DNAJC27: variants seen among roughly 807,000 people sequenced by gnomAD.
DNAJC27 encodes dnaJ homolog subfamily C member 27.
In DNAJC27, 25 loss-of-function variants were observed where a neutral mutation model predicts 31.4. That is an observed-to-expected ratio of 0.80 (90% CI 0.58 to 1.11). The LOEUF (loss-of-function observed/expected upper bound fraction) is 1.11. Ranked by LOEUF, DNAJC27 falls within the 50% of genes most tolerant of loss-of-function variation. The probability of loss-of-function intolerance (pLI) is 0.00; values close to 1 mark genes in which losing one functional copy is unlikely to be tolerated. For missense variants in DNAJC27, 356 were observed against 347.3 expected (o/e 1.02, Z -0.20); for synonymous variants, 106 against 112.7 (o/e 0.94, Z 0.37).
chr2:24,946,167 T>A lies in DNAJC27; in HGVS notation c.*1449A>T, dbSNP rs1665647662. 1 of 152,182 alleles carries A rather than the reference T, an allele frequency of 6.6e-6. No individual in the cohort carries two copies. The highest frequency in any genetic ancestry group is 2.4e-5 in the African/African-American group (1 of 41,438). 9.4% of individuals were successfully genotyped at this position (152,182 alleles called of 1,614,324 possible). On this transcript the variant is annotated 3_prime_UTR_variant, in exon 7 of 7. Coordinates refer to ENST00000264711, the MANE Select transcript of DNAJC27 (RefSeq NM_016544.3). The stretch of plus-strand genomic sequence containing the variant: ...ACATGAACTTCATCCATCCCTTGTA[T>A]ATCAAGGAGGAGACTGTGGTCAGAG...
intron 1 of DNAJC27, among the ~76,000 whole-genome samples, chr2:24,970,526 G>T (rs1371314125): frequency 6.8e-6 from 1 of 147,276 alleles, no homozygotes; most frequent in African/African-American, 2.5e-5. Context: ...GTGCAATGGC[G>T]TGATCTCGGC....
At chr2:24,970,947 T>G (rs1257408395) in intron 1 of DNAJC27, among the ~76,000 whole-genome samples, 2 of 152,152 alleles carry the variant, frequency 1.3e-5, no homozygotes, top group African/African-American at 4.8e-5. Context: ...CCTTAACAGC[T>G]CTTTCGGAGT....
At chr2:24,954,442 G>A (rs1197999920) in intron 5 of DNAJC27, among the ~76,000 whole-genome samples, 2 of 152,102 alleles carry the variant, frequency 1.3e-5, no homozygotes, top group Non-Finnish European at 2.9e-5. Flanking sequence ...CTAAAACCAA[G>A]AGCTGACAAG....
intron 1 of DNAJC27, chr2:24,969,396 A>G: frequency 5.6e-6 from 1 of 179,530 alleles, no homozygotes; most frequent in Non-Finnish European, 1.2e-5. Flanking sequence ...GCTCTCATAG[A>G]CATCCAAGGA....
chr2:24,956,395 A>G (rs1445103680), intron 5 of DNAJC27, among the ~76,000 whole-genome samples: 1 of 152,158 alleles, frequency 6.6e-6, no homozygotes, highest in African/African-American at 2.4e-5. Flanking sequence ...GGTTTTTTTA[A>G]AGTGGCCATC....
chr2:24,949,186 A>G (rs2149120231), intron 6 of DNAJC27, among the ~76,000 whole-genome samples: 1 of 152,308 alleles, frequency 6.6e-6, no homozygotes, highest in South Asian at 2.1e-4. Flanking sequence ...GTTTTTCTAC[A>G]TGTGTAATTC....
At chr2:24,951,085 T>C (rs1260203161) in intron 6 of DNAJC27, among the ~76,000 whole-genome samples, 1 of 152,236 alleles carries the variant, frequency 6.6e-6, no homozygotes, top group African/African-American at 2.4e-5. Context: ...TCTAACATTC[T>C]ATGATTGAAG....
intron 2 of DNAJC27, among the ~76,000 whole-genome samples, chr2:24,966,116 T>C (rs1247690848): frequency 6.6e-6 from 1 of 152,210 alleles, no homozygotes; most frequent in East Asian, 1.9e-4. Context: ...AGGGCATGTT[T>C]AGAAGACCTT....
intron 5 of DNAJC27, among the ~76,000 whole-genome samples, 191 bp from the exon 6 acceptor site, chr2:24,951,745 C>G (rs539788853): frequency 6.6e-6 from 1 of 151,828 alleles, no homozygotes; most frequent in Non-Finnish European, 1.5e-5. Flanking sequence ...TTTTAATACA[C>G]AAAAAGTATA....
Position 24,957,953 on chromosome 2 carries a change from C to T in DNAJC27, c.262G>A (p.Asp88Asn). The change falls in exon 4 of 7, where the codon GAC becomes AAC. Residue 88 changes from aspartate to asparagine, a missense_variant. Asp to Asn is a conservative substitution (Grantham distance 23, BLOSUM62 1). Coordinates refer to ENST00000264711, the MANE Select transcript of DNAJC27 (RefSeq NM_016544.3). ...FYEVRNEFYKDTQGVILVYDV... is the reference protein window; with the variant it reads ...FYEVRNEFYKNTQGVILVYDV... ...TAGACCAGTATCACACCCTGTGTGT[C>T]CTTGTAAAACTCATTTCGAACCTTC... 6.2e-7 allele frequency: 1 copy of T among 1,611,402 alleles called. No individual in the cohort carries two copies. Among genetic ancestry groups the T allele is most frequent in the Non-Finnish European group, 8.5e-7 (1 of 1,179,078 alleles).
rs1313433702 is a variant in DNAJC27, at chr2:24,957,971, G to A, written c.244C>T (p.Arg82Ter). 2.5e-6 allele frequency: 4 copies of A among 1,608,822 alleles called. No individual in the cohort carries two copies. Among genetic ancestry groups the A allele is most frequent in the Non-Finnish European group, 3.4e-6 (4 of 1,177,934 alleles). Residue 82 changes from arginine to a stop codon, truncating the protein, a stop_gained, in exon 4 of 7, where the codon CGA (arginine) becomes TGA (stop). Coordinates refer to ENST00000264711, the MANE Select transcript of DNAJC27 (RefSeq NM_016544.3). LOFTEE classifies it high-confidence loss of function. ...MAGHPFFYEVRNEFYKDTQGV... is the reference protein window; with the variant it reads ...MAGHPFFYEV ...TGTGTGTCCTTGTAAAACTCATTTC[G>A]AACCTTCAAATAAAAGGACAGATAC...
chr2:24,971,593 A>T (rs911312397), intron 1 of DNAJC27: 1 of 468,096 alleles, frequency 2.1e-6, no homozygotes, highest in African/African-American at 2.1e-5. Context: ...AGGCCACCCC[A>T]GACACCATCT....
intron 3 of DNAJC27, among the ~76,000 whole-genome samples, chr2:24,958,863 A>G (rs1407649299): frequency 3.3e-5 from 5 of 152,216 alleles, no homozygotes; most frequent in Non-Finnish European, 7.3e-5. Flanking sequence ...AAGTTCCAGA[A>G]AGAATCCTGA....
intron 1 of DNAJC27, among the ~76,000 whole-genome samples, chr2:24,969,716 C>G (rs930800921): frequency 3.9e-5 from 6 of 152,150 alleles, no homozygotes; most frequent in Admixed American, 2.0e-4. Context: ...TGAGCTCAGG[C>G]AATCCACCTG....
chr2:24,965,442 GAT>G (rs1666157850), intron 2 of DNAJC27, among the ~76,000 whole-genome samples: 1 of 151,736 alleles, frequency 6.6e-6, no homozygotes, highest in South Asian at 2.1e-4. Flanking sequence ...TTTTAGTAGA[GAT>G]AGGGTTTCAC....
chr2:24,971,455 A>C, intron 1 of DNAJC27: 3 of 168,936 alleles, frequency 1.8e-5, no homozygotes, highest in Non-Finnish European at 3.8e-5. Context: ...GGCTGGGGGA[A>C]CTAAACTTTC....
rs1339993943 is a variant in DNAJC27, at chr2:24,963,465, G to C, written c.180C>G (p.Val60=). ...TGTTAACTTTGATTTCTCTGTCTCT[G>C]ACGTGTACCCTGAAATGTTCAAATG... is the stretch of plus-strand genomic sequence containing the variant. ...GIDYGVTKVH[V]RDREIKVNIF... Residue 60 remains valine (V), a synonymous_variant, in exon 3 of 7, where the codon GTC becomes GTG. Transcript: ENST00000264711. 6.2e-7 allele frequency: 1 copy of C among 1,613,194 alleles called. No homozygotes were observed. Among genetic ancestry groups the C allele is most frequent in the East Asian group, 2.2e-5 (1 of 44,854 alleles).
intron 1 of DNAJC27, among the ~76,000 whole-genome samples, chr2:24,968,782 T>A (rs1373532482): frequency 6.6e-6 from 1 of 152,210 alleles, no homozygotes; most frequent in South Asian, 2.1e-4. Context: ...TTTCCTTACG[T>A]ATCTGGGTTT....
intron 5 of DNAJC27, among the ~76,000 whole-genome samples, chr2:24,952,687 A>G (rs1665805626): frequency 6.6e-6 from 1 of 152,188 alleles, no homozygotes; most frequent in Non-Finnish European, 1.5e-5. Context: ...TGTTAAAAAA[A>G]AAAGCTGTAC....
Sources: gnomAD v4.1 joint callset for allele counts (sites outside exome capture counted in the v4.1 genomes callset) on GRCh38, gnomAD v4.1.1 for gene constraint, MANE v1.5 for transcripts, NCBI Gene and HGNC (gene_info 2026-07-23, HGNC 2026-07-21) for gene names.